GART: variants seen among roughly 807,000 people sequenced by gnomAD.
The protein encoded by GART is phosphoribosylglycinamide formyltransferase, phosphoribosylglycinamide synthetase, phosphoribosylaminoimidazole synthetase.
Under a neutral mutation model 107.2 loss-of-function variants are expected in GART, and 43 were observed. The ratio of observed to expected loss-of-function variants is 0.40; its 90% CI spans 0.31 to 0.52. GART has a LOEUF of 0.52. Among genes scored for constraint, GART ranks in the 20% least tolerant of loss-of-function variants. GART has a pLI of 0.52. For missense variants in GART, 1,107 were observed against 1,206.5 expected (o/e 0.92, Z 1.22); for synonymous variants, 434 against 427.0 (o/e 1.02, Z -0.20).
chr21:33,528,444 C>T, intron 9 of GART, 75 bp downstream of exon 9: 1 of 1,540,164 alleles, frequency 6.5e-7, no homozygotes, highest in African/African-American at 1.4e-5. Context: ...AAGGTAATTA[C>T]TTCCAGGCTG....
intron 2 of GART, among the ~76,000 whole-genome samples, chr21:33,536,524 T>C (rs573342871): frequency 5.9e-5 from 9 of 152,348 alleles, no homozygotes; most frequent in Non-Finnish European, 1.2e-4. Context: ...AGTGGATGCC[T>C]GAAACCACAG....
At chr21:33,513,538 C>T (rs187607801) in intron 16 of GART, among the ~76,000 whole-genome samples, 118 of 152,082 alleles carry the variant, frequency 7.8e-4, no homozygotes, top group African/African-American at 2.7e-3. Flanking sequence ...CTACTGTACT[C>T]CAGCCTGGGC....
intron 12 of GART, 147 bp from the exon 13 acceptor site, chr21:33,521,162 TCA>T: frequency 3.2e-6 from 2 of 628,918 alleles, no homozygotes; most frequent in South Asian, 3.9e-5. Flanking sequence ...ACAGCTGTTC[TCA>T]GAGATGACAT....
intron 18 of GART, among the ~76,000 whole-genome samples, chr21:33,506,453 A>C (rs1048833277): frequency 6.6e-6 from 1 of 152,096 alleles, no homozygotes; most frequent in Non-Finnish European, 1.5e-5. Flanking sequence ...CACACTTTTT[A>C]AAAAAAGAGA....
At chr21:33,524,210 T>C (rs1045303276) in intron 11 of GART, 104 of 985,398 alleles carry the variant, frequency 1.1e-4, no homozygotes, top group Admixed American at 1.8e-4. Context: ...GATAAAACCA[T>C]GAACTATGTT....
At chr21:33,512,795 G>A (rs879382900) in intron 16 of GART, among the ~76,000 whole-genome samples, 10 of 151,864 alleles carry the variant, frequency 6.6e-5, no homozygotes, top group Middle Eastern at 3.4e-3. Flanking sequence ...GTCTTACCAT[G>A]TTGCCCAGTC....
intron 16 of GART, among the ~76,000 whole-genome samples, chr21:33,513,791 C>T (rs376716797): frequency 1.1e-4 from 16 of 152,220 alleles, no homozygotes; most frequent in African/African-American, 3.9e-4. Context: ...AATGATGCTA[C>T]TAAGACAAGG....
intron 7 of GART, 146 bp from the exon 8 acceptor site, chr21:33,529,083 A>C: frequency 1.9e-6 from 1 of 531,884 alleles, no homozygotes; most frequent in Non-Finnish European, 3.3e-6. Flanking sequence ...TGAAAGATTT[A>C]AACTTTCTCA....
chr21:33,530,710 T>C, intron 7 of GART, 49 bp downstream of exon 7: 1 of 1,350,670 alleles, frequency 7.4e-7, no homozygotes, highest in Non-Finnish European at 9.6e-7. Context: ...AAGAGTTCTC[T>C]GAGAAAACCA....
intron 3 of GART, 60 bp from the exon 4 acceptor site, chr21:33,534,813 G>C: frequency 7.0e-7 from 1 of 1,424,710 alleles, no homozygotes; most frequent in Non-Finnish European, 9.4e-7. Flanking sequence ...TTTTCAGCCT[G>C]AAGACGAATT....
rs570002516 is a variant in GART at position 33,534,208 on chromosome 21, C to T, written c.416+371G>A. The stretch of plus-strand genomic sequence containing the variant: ...ATTACATTTTCAACACAGAAGTGAC[C>T]TGTATATTTATTTAATTTTTTTGAG... On this transcript the variant is annotated intron_variant, in intron 4 of 21. Coordinates refer to ENST00000381815, the MANE Select transcript of GART (RefSeq NM_000819.5). 2.0e-5 allele frequency among the ~76,000 whole-genome samples: 3 copies of T among 152,070 alleles called. No individual in the cohort carries two copies. The South Asian group carries it at 6.2e-4, about 32-fold the overall frequency.
rs35035222 is a variant in GART at position 33,532,391 on chromosome 21, G to C, written c.482C>G (p.Ala161Gly). 604 of 1,613,938 alleles carry C rather than the reference G, an allele frequency of 3.7e-4. 1 individual carries two copies. The African/African-American group carries it at 7.1e-3, about 19-fold the overall frequency. ...GLAAGKGVIV[A>G]KSKEEACKAV... The stretch of plus-strand genomic sequence containing the variant: ...TTTGCAGGCCTCTTCTTTGCTCTTT[G>C]CAACAATCACCCCTTTTCCAGCTGC... The change falls in exon 5 of 22, where the codon GCA (alanine) becomes GGA (glycine). Residue 161 changes from alanine (A) to glycine (G), a missense_variant. Coordinates refer to ENST00000381815, the MANE Select transcript of GART (RefSeq NM_000819.5).
rs185955068 is a variant in GART, at chr21:33,534,945, A to C, written c.242-192T>G. Among the ~76,000 whole-genome samples the C allele has an allele frequency of 2.6e-5, 4 of 152,364 alleles. No homozygotes were observed. In the East Asian group the frequency reaches 7.7e-4, roughly 29 times the overall value. ...ATTAACATGTTATTCAAATCTATCAAAAGTTGTTATATTTGCATATATGGA... is the reference window on the plus strand; with the variant it reads ...ATTAACATGTTATTCAAATCTATCACAAGTTGTTATATTTGCATATATGGA... On this transcript the variant is annotated intron_variant, in intron 3 of 21. Transcript: ENST00000381815.
Position 33,509,915 on chromosome 21 carries a change from G to A in GART, c.2320C>T (p.Pro774Ser). The change falls in exon 18 of 22, where the codon CCA becomes TCA. Residue 774 changes from proline (P) to serine (S), a missense_variant. Coordinates refer to ENST00000381815, the MANE Select transcript of GART (RefSeq NM_000819.5). ...GSVVARAEGS[P>S]RVKVKNLIES... ...ATCAGATTCTTGACTTTCACACGTG[G>A]GGAACCTTCATTTCAAACATATCCA... 17 of 1,609,584 alleles carry A rather than the reference G, an allele frequency of 1.1e-5. No individual in the cohort carries two copies. Among genetic ancestry groups the A allele is most frequent in the Non-Finnish European group, 1.4e-5 (17 of 1,178,364 alleles).
At chr21:33,510,348 G>GCAA (rs2084763310) in intron 17 of GART, 1 of 154,880 alleles carries the variant, frequency 6.5e-6, no homozygotes, top group Admixed American at 6.5e-5. Flanking sequence ...TTTTCTTTTT[G>GCAA]AGATGGAGTC....
chr21:33,516,880 G>A (rs753339698), intron 16 of GART, 109 bp downstream of exon 16: 5 of 961,496 alleles, frequency 5.2e-6, no homozygotes, highest in Non-Finnish European at 7.7e-6. Context: ...CAATGATTAA[G>A]AATTTTCCAT....
At chr21:33,528,122 G>C in intron 10 of GART, 45 bp downstream of exon 10, 1 of 1,580,282 alleles carries the variant, frequency 6.3e-7, no homozygotes, top group Non-Finnish European at 8.7e-7. Flanking sequence ...TGTGGTGCTG[G>C]CACTTGTCAC....
chr21:33,539,714 T>G (rs745789043), intron 1 of GART, among the ~76,000 whole-genome samples: 7 of 152,068 alleles, frequency 4.6e-5, no homozygotes, highest in African/African-American at 7.2e-5. Flanking sequence ...AAATCCAGAT[T>G]TGTAAATATA....
chr21:33,525,403 T>G (rs1364907384), intron 10 of GART, among the ~76,000 whole-genome samples: 1 of 152,092 alleles, frequency 6.6e-6, no homozygotes, highest in Non-Finnish European at 1.5e-5. Flanking sequence ...TAAAGATCTT[T>G]CTCTCACTTA....
Sources: allele counts gnomAD v4.1 joint callset (sites outside exome capture counted in the v4.1 genomes callset), GRCh38; gene constraint gnomAD v4.1.1; transcripts MANE v1.5; gene names NCBI Gene and HGNC (gene_info 2026-07-23, HGNC 2026-07-21).